The following CDH10 variants were observed in gnomAD, a reference collection of about 807,000 sequenced individuals.
CDH10 encodes the protein cadherin-10.
A neutral mutation model predicts 73.1 loss-of-function variants in CDH10; 30 were observed. The observed-to-expected ratio is 0.41, with a 90% confidence interval of 0.31 to 0.56. CDH10 has a LOEUF of 0.56. Among genes scored for constraint, CDH10 ranks in the 20% least tolerant of loss-of-function variants. The pLI, the probability that CDH10 is intolerant of heterozygous loss-of-function variation, is 0.27. For synonymous variants in CDH10, 345 were observed against 348.2 expected, an observed-to-expected ratio of 0.99 and a Z score of 0.10; for missense variants, 815 against 973.7, an observed-to-expected ratio of 0.84 and a Z score of 2.17.
chr5:24,552,548 T>C (rs1380102561), intron 2 of CDH10, among the ~76,000 whole-genome samples: 1 of 152,092 alleles, frequency 6.6e-6, no homozygotes, highest in Non-Finnish European at 1.5e-5. Context: ...TAATGTTTGA[T>C]TGGTGCATCA....
intron 2 of CDH10, among the ~76,000 whole-genome samples, chr5:24,592,898 T>C (rs979863292): frequency 8.0e-6 from 1 of 125,400 alleles, no homozygotes; most frequent in Non-Finnish European, 1.7e-5. Context: ...TCAATAGCAA[T>C]GTGAAATATA....
chr5:24,494,924 G>A (rs2111662157), intron 9 of CDH10, among the ~76,000 whole-genome samples: 1 of 152,088 alleles, frequency 6.6e-6, no homozygotes, highest in African/African-American at 2.4e-5. Context: ...TACTGCAGAT[G>A]GAGGCACTTA....
chr5:24,577,030 A>G (rs892948267), intron 2 of CDH10, among the ~76,000 whole-genome samples: 1 of 151,440 alleles, frequency 6.6e-6, no homozygotes, highest in East Asian at 1.9e-4. Context: ...CCAAACTGAG[A>G]GATATTCTAC....
intron 5 of CDH10, among the ~76,000 whole-genome samples, chr5:24,534,483 T>A (rs1382317131): frequency 6.6e-6 from 1 of 152,094 alleles, no homozygotes; most frequent in Non-Finnish European, 1.5e-5. Context: ...GTTTCTATGG[T>A]CAGGAGCTAA....
intron 1 of CDH10, among the ~76,000 whole-genome samples, chr5:24,594,819 TTC>T (rs552949764): frequency 5.3e-4 from 81 of 152,126 alleles, no homozygotes; most frequent in African/African-American, 1.9e-3. Flanking sequence ...TGTGTACATA[TTC>T]TGTTTTTCTT....
At chr5:24,564,223 T>C (rs1257909110) in intron 2 of CDH10, among the ~76,000 whole-genome samples, 1 of 152,236 alleles carries the variant, frequency 6.6e-6, no homozygotes, top group Non-Finnish European at 1.5e-5. Flanking sequence ...ACATACTATA[T>C]GTAGATATAT....
At chr5:24,531,839 T>G (rs1016310735) in intron 5 of CDH10, among the ~76,000 whole-genome samples, 1 of 152,108 alleles carries the variant, frequency 6.6e-6, no homozygotes, top group Admixed American at 6.6e-5. Context: ...GAATTTGTGA[T>G]GTACTTGAAT....
chr5:24,623,884 CTCAAAACTTTTTTTTG>C (rs1443584264), intron 1 of CDH10, among the ~76,000 whole-genome samples: 1 of 152,096 alleles, frequency 6.6e-6, no homozygotes, highest in East Asian at 1.9e-4. Flanking sequence ...AAATGTATCA[CTCAAAACTTTTTTTTG>C]TTTTCTGAAC....
chr5:24,638,218 T>C (rs1237014370), intron 1 of CDH10, among the ~76,000 whole-genome samples: 2 of 151,842 alleles, frequency 1.3e-5, no homozygotes, highest in East Asian at 3.9e-4. Context: ...TGAAGGCTTA[T>C]TAATTAATTT....
At chr5:24,539,797 G>T (rs1035137500) in intron 2 of CDH10, among the ~76,000 whole-genome samples, 14 of 152,022 alleles carry the variant, frequency 9.2e-5, no homozygotes, top group Non-Finnish European at 1.8e-4. Context: ...CAAGACTGAT[G>T]CTTTACAGGA....
At chr5:24,572,484 A>C (rs1745421157) in intron 2 of CDH10, among the ~76,000 whole-genome samples, 1 of 152,128 alleles carries the variant, frequency 6.6e-6, no homozygotes, top group South Asian at 2.1e-4. Context: ...ATCTTAAAAA[A>C]GGAAAAGCTG....
At chr5:24,543,127 C>T (rs1744218809) in intron 2 of CDH10, among the ~76,000 whole-genome samples, 1 of 151,912 alleles carries the variant, frequency 6.6e-6, no homozygotes, top group Non-Finnish European at 1.5e-5. Flanking sequence ...TTATTTTCAC[C>T]ATTGGCTAGA....
In CDH10 at chr5:24,537,515, C is replaced by T. The variant is rs775638474; in HGVS notation, c.391G>A (p.Ala131Thr). The change falls in exon 3 of 12, where the codon GCT becomes ACT. Residue 131 changes from alanine (A) to threonine (T), a missense_variant. Ala to Thr is a moderately conservative substitution (Grantham distance 58, BLOSUM62 0). Around this residue, in one of 3 missense-constraint regions of CDH10, gnomAD observed 516 missense variants for 636.6 expected, o/e 0.81. Transcript: ENST00000264463. Reference sequence around the variant, plus strand: ...GGCCTCAGAGTTCTTCTGTTAATAGCTTGTGCGCGTAGAGTATAAAAGGCC... The same window carrying T: ...GGCCTCAGAGTTCTTCTGTTAATAGTTTGTGCGCGTAGAGTATAAAAGGCC... Reference protein sequence around the residue: ...EKAFYTLRAQAINRRTLRPVE... With the variant: ...EKAFYTLRAQTINRRTLRPVE... The T allele has an allele frequency of 1.9e-6, 3 of 1,613,344 alleles. No individual in the cohort carries two copies. Among genetic ancestry groups the T allele is most frequent in the Non-Finnish European group, 2.5e-6 (3 of 1,179,510 alleles).
intron 2 of CDH10, among the ~76,000 whole-genome samples, chr5:24,579,664 GAC>G (rs1333208160): frequency 2.0e-5 from 3 of 152,092 alleles, no homozygotes; most frequent in Admixed American, 1.3e-4. Context: ...TGACAAGGTT[GAC>G]ACATTCTCTT....
intron 2 of CDH10, among the ~76,000 whole-genome samples, chr5:24,571,922 C>T (rs1745396824): frequency 1.3e-5 from 2 of 151,704 alleles, no homozygotes; most frequent in South Asian, 4.2e-4. Flanking sequence ...CCAGCTCCAG[C>T]ACACCACACC....
intron 8 of CDH10, among the ~76,000 whole-genome samples, chr5:24,500,516 G>A (rs13359694): frequency 3.4e-3 from 517 of 152,288 alleles, no homozygotes; most frequent in African/African-American, 0.012. Flanking sequence ...GAGGTTTAGC[G>A]TTCAGGCCCT....
intron 2 of CDH10, among the ~76,000 whole-genome samples, chr5:24,590,441 C>T (rs1391624660): frequency 2.0e-5 from 3 of 151,606 alleles, no homozygotes; most frequent in African/African-American, 7.2e-5. Flanking sequence ...ATAATCATGA[C>T]CTTTGATTTC....
At chr5:24,495,117 T>C (rs1170383085) in intron 9 of CDH10, among the ~76,000 whole-genome samples, 1 of 152,176 alleles carries the variant, frequency 6.6e-6, no homozygotes, top group African/African-American at 2.4e-5. Context: ...ATATCAGAAC[T>C]TGGCAACAAG....
intron 7 of CDH10, among the ~76,000 whole-genome samples, chr5:24,509,208 T>C (rs1184033428): frequency 6.9e-5 from 9 of 129,728 alleles, no homozygotes; most frequent in Non-Finnish European, 1.2e-4. Context: ...TTTTTTTTTT[T>C]CATTTTAAAC....
Sources: gnomAD v4.1 joint callset for allele counts (sites outside exome capture counted in the v4.1 genomes callset) on GRCh38, gnomAD v4.1.1 for gene constraint, gnomAD v4.1.1 regional missense constraint, MANE v1.5 for transcripts, NCBI Gene and HGNC (gene_info 2026-07-23, HGNC 2026-07-21) for gene names.